TMEM87B: variants seen among roughly 807,000 people sequenced by gnomAD.
The protein encoded by TMEM87B is transmembrane protein 87B.
TMEM87B carries 83 observed loss-of-function variants against 80.3 expected under a neutral mutation model. That is an observed-to-expected ratio of 1.03 (90% CI 0.87 to 1.24). The LOEUF is 1.24. TMEM87B is among the 50% of genes most tolerant of loss of function. The pLI is 0.00. For synonymous variants in TMEM87B, 219 were observed against 230.5 expected (o/e 0.95, Z 0.45); for missense variants, 625 against 674.4 (o/e 0.93, Z 0.81).
At position 112,091,240 on chromosome 2, in the gene TMEM87B, C is replaced by CA. The variant is rs113068842; in HGVS notation, c.1033-456dup. Among the ~76,000 whole-genome samples, 911 of 114,200 alleles carry CA rather than the reference C, an allele frequency of 8.0e-3. 2 individuals are homozygous for CA. The highest frequency in any genetic ancestry group is 0.01 in the African/African-American group (305 of 30,302). The allele number at this position is 114,200 out of a possible 152,430, so 74.9% of individuals were successfully genotyped here. A position where few individuals can be genotyped will look rare whatever the true frequency, so the allele number is the denominator to read the frequency against. On this transcript the variant is annotated intron_variant, in intron 10 of 18. Coordinates refer to ENST00000283206, the MANE Select transcript of TMEM87B (RefSeq NM_032824.3). ...GGGCAACAAGAGCAAAACTCCATCT[C>CA]AAAAAAAAAAAAAAAATTTTACATA...
intron 9 of TMEM87B, 25 bp from the exon 10 acceptor site, chr2:112,089,598 TTC>T (rs760595720): frequency 1.1e-5 from 17 of 1,610,908 alleles, no homozygotes; most frequent in Non-Finnish European, 1.4e-5. Flanking sequence ...TTTTTCTTCT[TTC>T]TCTGTTTCCT....
chr2:112,058,389 T>A (rs116758624), intron 1 of TMEM87B, among the ~76,000 whole-genome samples: 1,906 of 152,288 alleles, frequency 0.013, 47 homozygotes, highest in African/African-American at 0.044. Flanking sequence ...GAGGGGGTAG[T>A]GAGGAATGTT....
chr2:112,067,206 C>T (rs1678461739), intron 4 of TMEM87B, 139 bp downstream of exon 4: 12 of 1,165,100 alleles, frequency 1.0e-5, no homozygotes, highest in Non-Finnish European at 1.5e-5. Flanking sequence ...TTTATTCCCA[C>T]TGAATACAAG....
intron 17 of TMEM87B, among the ~76,000 whole-genome samples, chr2:112,109,023 T>C (rs1170900474): frequency 6.6e-6 from 1 of 152,236 alleles, no homozygotes; most frequent in Non-Finnish European, 1.5e-5. Flanking sequence ...TGAAGTGATA[T>C]GTCATCGCAT....
chr2:112,082,037 C>T (rs1679013267), intron 8 of TMEM87B, among the ~76,000 whole-genome samples: 1 of 152,116 alleles, frequency 6.6e-6, no homozygotes, highest in Admixed American at 6.6e-5. Context: ...TCACAGTTTA[C>T]GCAGTGGAAT....
chr2:112,109,623 T>C (rs1679856032), intron 17 of TMEM87B, among the ~76,000 whole-genome samples: 1 of 151,516 alleles, frequency 6.6e-6, no homozygotes, highest in Admixed American at 6.6e-5. Flanking sequence ...TCCTTTATAT[T>C]TGGCTTTCTG....
intron 2 of TMEM87B, among the ~76,000 whole-genome samples, chr2:112,060,958 A>AATTT (rs1678241458): frequency 6.6e-6 from 1 of 152,252 alleles, no homozygotes; most frequent in African/African-American, 2.4e-5. Flanking sequence ...TTTAACTTTG[A>AATTT]GTCTCAGATT....
intron 4 of TMEM87B, among the ~76,000 whole-genome samples, chr2:112,072,304 G>C (rs1558833331): frequency 6.6e-6 from 1 of 152,138 alleles, no homozygotes; most frequent in Non-Finnish European, 1.5e-5. Flanking sequence ...GAATGAGTTG[G>C]GGAGGAGTCC....
intron 4 of TMEM87B, among the ~76,000 whole-genome samples, chr2:112,069,054 C>T (rs1329057293): frequency 2.7e-5 from 4 of 149,820 alleles, no homozygotes; most frequent in Admixed American, 6.6e-5. Flanking sequence ...TAGCCGGGCG[C>T]GGTGGCGGGC....
Position 112,082,689 on chromosome 2 carries a change from C to T in TMEM87B, c.838+1171C>T, listed in dbSNP as rs1470538487. ...GTGTGTGTGTGTGCGTGTGCGTGTGCGTGCATGTGTGCTCTAAACCAGATG... is the reference window on the plus strand; with the variant it reads ...GTGTGTGTGTGTGCGTGTGCGTGTGTGTGCATGTGTGCTCTAAACCAGATG... On this transcript the variant is annotated intron_variant, in intron 8 of 18. Transcript: ENST00000283206. 2.0e-5 allele frequency among the ~76,000 whole-genome samples: 3 copies of T among 151,782 alleles called. No homozygotes were observed. The East Asian group carries it at 5.8e-4, about 29-fold the overall frequency.
intron 4 of TMEM87B, 95 bp downstream of exon 4, chr2:112,067,162 G>T (rs878897968): frequency 1.4e-6 from 2 of 1,472,264 alleles, no homozygotes; most frequent in South Asian, 1.3e-5. Flanking sequence ...TGATAAAGGT[G>T]GTATCTGACT....
At chr2:112,096,857 GA>G (rs1679483516) in intron 11 of TMEM87B, among the ~76,000 whole-genome samples, 186 bp from the exon 12 acceptor site, 1 of 152,188 alleles carries the variant, frequency 6.6e-6, no homozygotes, top group East Asian at 1.9e-4. Flanking sequence ...AATTGTAAAA[GA>G]AAATCTGTGA....
intron 1 of TMEM87B, among the ~76,000 whole-genome samples, chr2:112,056,833 G>T (rs1033972573): frequency 6.6e-6 from 1 of 152,132 alleles, no homozygotes; most frequent in African/African-American, 2.4e-5. Flanking sequence ...TAATTTGTGT[G>T]CCAGTTATAG....
At chr2:112,095,107 C>A (rs1475990773) in intron 11 of TMEM87B, 1 of 889,356 alleles carries the variant, frequency 1.1e-6, no homozygotes, top group Non-Finnish European at 1.3e-6. Flanking sequence ...TCCTGTGGCC[C>A]TTCCTCCCCT....
intron 8 of TMEM87B, among the ~76,000 whole-genome samples, chr2:112,084,404 C>G (rs898519688): frequency 2.6e-5 from 4 of 152,206 alleles, no homozygotes; most frequent in African/African-American, 9.7e-5. Flanking sequence ...CTTCTCAATG[C>G]CTTGCAATCT....
In TMEM87B at chr2:112,071,476, AT is replaced by A. The variant is rs201593502; in HGVS notation, c.451-3426del. Among the ~76,000 whole-genome samples, 68 of 148,764 alleles carry A rather than the reference AT, an allele frequency of 4.6e-4. No homozygotes were observed. In the Middle Eastern group the frequency reaches 0.01, roughly 23 times the overall value. ...GTGACCATGCCCGGCTAATTTTTGAATTTTTTTTTTAGTAGAGACGGGGTTT... is the reference window on the plus strand; with the variant it reads ...GTGACCATGCCCGGCTAATTTTTGAATTTTTTTTTAGTAGAGACGGGGTTT... On this transcript the variant is annotated intron_variant, in intron 4 of 18. Transcript: ENST00000283206.
intron 4 of TMEM87B, among the ~76,000 whole-genome samples, chr2:112,067,685 C>A (rs1678477739): frequency 6.6e-6 from 1 of 152,204 alleles, no homozygotes; most frequent in African/African-American, 2.4e-5. Context: ...TTTATATCTG[C>A]TACCTCCAAT....
intron 1 of TMEM87B, among the ~76,000 whole-genome samples, chr2:112,056,268 G>A (rs1436292683): frequency 1.3e-5 from 2 of 151,590 alleles, no homozygotes; most frequent in Non-Finnish European, 2.9e-5. Context: ...AGGGGGAAAC[G>A]TGCAGTAGTC....
intron 4 of TMEM87B, among the ~76,000 whole-genome samples, chr2:112,068,388 T>C (rs1002145884): frequency 1.3e-5 from 2 of 152,178 alleles, no homozygotes; most frequent in African/African-American, 4.8e-5. Flanking sequence ...CACAGAAAAG[T>C]ACACATCAGT....
Sources: gnomAD v4.1 joint callset for allele counts (sites outside exome capture counted in the v4.1 genomes callset) on GRCh38, gnomAD v4.1.1 for gene constraint, MANE v1.5 for transcripts, NCBI Gene and HGNC (gene_info 2026-07-23, HGNC 2026-07-21) for gene names.